PCDH15: variants seen among roughly 807,000 people sequenced by gnomAD.
The protein encoded by PCDH15 is protocadherin related 15, also known as protocadherin-15.
Under a neutral mutation model 178.5 loss-of-function variants are expected in PCDH15, and 129 were observed. That is an observed-to-expected ratio of 0.72 (90% CI 0.63 to 0.84). The LOEUF is 0.84. Among genes scored for constraint, PCDH15 ranks in the 40% least tolerant of loss-of-function variants. The pLI is 0.00. For synonymous variants in PCDH15, 800 were observed against 732.0 expected, an observed-to-expected ratio of 1.09 and a Z score of -1.50; for missense variants, 2,230 against 2,099.9, an observed-to-expected ratio of 1.06 and a Z score of -1.21.
intron 3 of PCDH15, among the ~76,000 whole-genome samples, chr10:54,476,672 T>C (rs911538125): frequency 6.6e-6 from 1 of 152,102 alleles, no homozygotes; most frequent in Non-Finnish European, 1.5e-5. Context: ...GTTCATAACA[T>C]GTACTTTCAA....
intron 2 of PCDH15, among the ~76,000 whole-genome samples, chr10:54,998,322 G>C (rs574947287): frequency 6.6e-6 from 1 of 151,848 alleles, no homozygotes; most frequent in Admixed American, 6.6e-5. Context: ...ACTCCAGCAT[G>C]GCACATGTAT....
intron 2 of PCDH15, among the ~76,000 whole-genome samples, chr10:54,548,426 T>G (rs10825353): frequency 0.26 from 37,741 of 147,716 alleles, 5,108 homozygotes; most frequent in Middle Eastern, 0.36. Flanking sequence ...GAGAAATAAA[T>G]TATTTGAAAA....
At chr10:54,273,441 C>G (rs957519095) in intron 8 of PCDH15, among the ~76,000 whole-genome samples, 2 of 150,110 alleles carry the variant, frequency 1.3e-5, no homozygotes, top group Non-Finnish European at 3.0e-5. Context: ...GATTGATGAC[C>G]AAGTAAAGAG....
intron 15 of PCDH15, among the ~76,000 whole-genome samples, chr10:54,127,879 A>G (rs1014816008): frequency 6.6e-6 from 1 of 152,192 alleles, no homozygotes; most frequent in Admixed American, 6.5e-5. Context: ...GTTATTTTGC[A>G]AAACTGTCTC....
At chr10:54,870,496 C>T (rs1954015726) in intron 3 of PCDH15, among the ~76,000 whole-genome samples, 1 of 152,152 alleles carries the variant, frequency 6.6e-6, no homozygotes, top group African/African-American at 2.4e-5. Context: ...CAAAATTCCA[C>T]ATAAAAAGAC....
At chr10:54,569,252 T>C (rs533585182) in intron 2 of PCDH15, among the ~76,000 whole-genome samples, 1 of 152,250 alleles carries the variant, frequency 6.6e-6, no homozygotes, top group African/African-American at 2.4e-5. Flanking sequence ...CTAAAAACTA[T>C]ACTGTGAAGA....
chr10:55,436,040 T>C (rs1394459957), intron 2 of PCDH15, among the ~76,000 whole-genome samples: 1 of 152,126 alleles, frequency 6.6e-6, no homozygotes, highest in Non-Finnish European at 1.5e-5. Context: ...TACTTACTTA[T>C]ATATGTGTTT....
chr10:54,108,951 C>CAACA (rs374916688), intron 15 of PCDH15, among the ~76,000 whole-genome samples: 2 of 152,088 alleles, frequency 1.3e-5, no homozygotes, highest in East Asian at 1.9e-4. Flanking sequence ...TCAACTGACG[C>CAACA]AACAAACAAA....
intron 8 of PCDH15, among the ~76,000 whole-genome samples, chr10:54,298,173 T>A (rs867239087): frequency 6.6e-6 from 1 of 152,140 alleles, no homozygotes; most frequent in African/African-American, 2.4e-5. Flanking sequence ...CGAGCAGCTA[T>A]GGGAGGCCTT....
intron 1 of PCDH15, among the ~76,000 whole-genome samples, chr10:54,739,325 AAAAC>A (rs757461244): frequency 3.7e-4 from 57 of 152,012 alleles, no homozygotes; most frequent in Middle Eastern, 3.4e-3. Flanking sequence ...ACAGCTACCA[AAAAC>A]AAACAAACAA....
intron 1 of PCDH15, among the ~76,000 whole-genome samples, chr10:55,257,335 C>T (rs574213682): frequency 6.7e-4 from 102 of 152,262 alleles, no homozygotes; most frequent in Middle Eastern, 3.4e-3. Context: ...TCCAAAGGAA[C>T]ACAGCTCTTC....
chr10:54,878,415 C>T (rs888710327), intron 3 of PCDH15, among the ~76,000 whole-genome samples: 5 of 152,158 alleles, frequency 3.3e-5, no homozygotes, highest in African/African-American at 1.2e-4. Flanking sequence ...AGATATTCCA[C>T]AAGAAGACAG....
chr10:55,257,288 A>G (rs961698954), intron 1 of PCDH15, among the ~76,000 whole-genome samples: 1 of 152,166 alleles, frequency 6.6e-6, no homozygotes, highest in East Asian at 1.9e-4. Context: ...AACAGCAGAA[A>G]AAGTGGAAAC....
At chr10:54,680,663 A>G (rs968959278) in intron 1 of PCDH15, among the ~76,000 whole-genome samples, 1 of 152,098 alleles carries the variant, frequency 6.6e-6, no homozygotes, top group Non-Finnish European at 1.5e-5. Flanking sequence ...TGTTCTTGTG[A>G]TAGTGAATAA....
At chr10:54,362,305 C>T (rs1031434561) in intron 5 of PCDH15, among the ~76,000 whole-genome samples, 4 of 151,482 alleles carry the variant, frequency 2.6e-5, no homozygotes, top group African/African-American at 9.7e-5. Context: ...GAAATTAGTT[C>T]CTAATGAGTA....
At chr10:54,515,618 C>A (rs187277385) in intron 3 of PCDH15, among the ~76,000 whole-genome samples, 1 of 152,320 alleles carries the variant, frequency 6.6e-6, no homozygotes, top group African/African-American at 2.4e-5. Context: ...TGTCTGACAC[C>A]TTTGAAGAGA....
chr10:54,092,258 T>C (rs1468218195), intron 15 of PCDH15, among the ~76,000 whole-genome samples: 1 of 152,106 alleles, frequency 6.6e-6, no homozygotes, highest in Admixed American at 6.6e-5. Context: ...TCTGGCTGTG[T>C]CTGAATTTCT....
At chr10:53,817,972 C>T (rs1294975750) in intron 34 of PCDH15, 23 bp downstream of exon 34, 1 of 398,540 alleles carries the variant, frequency 2.5e-6, no homozygotes, top group East Asian at 3.6e-5. Flanking sequence ...CTTGTTACGA[C>T]ATCAACACCA....
At chr10:54,722,567 T>C (rs55941220) in intron 1 of PCDH15, among the ~76,000 whole-genome samples, 17,958 of 144,500 alleles carry the variant, frequency 0.12, 1,213 homozygotes, top group African/African-American at 0.17. Flanking sequence ...GAAAAGGCAT[T>C]GCAATTGGGA....
Sources: allele counts gnomAD v4.1 joint callset (sites outside exome capture counted in the v4.1 genomes callset), GRCh38; gene constraint gnomAD v4.1.1; transcripts MANE v1.5; gene names NCBI Gene and HGNC (gene_info 2026-07-23, HGNC 2026-07-21).